Variants in MEIS1 observed in about 807,000 individuals in gnomAD.
The protein encoded by MEIS1 is homeobox protein Meis1.
MEIS1 carries 5 observed loss-of-function variants against 50.8 expected under a neutral mutation model. That is an observed-to-expected ratio of 0.10 (90% CI 0.05 to 0.21). The LOEUF (loss-of-function observed/expected upper bound fraction) is 0.21. Ranked by LOEUF, MEIS1 falls within the 10% of genes least tolerant of loss-of-function variation. The pLI, the probability that MEIS1 is intolerant of heterozygous loss-of-function variation, is 1.00. For synonymous variants in MEIS1, 176 were observed against 179.3 expected (o/e 0.98, Z 0.15); for missense variants, 318 against 517.3 (o/e 0.61, Z 3.74).
chr2:66,558,225 G>A (rs1211709732), intron 9 of MEIS1, among the ~76,000 whole-genome samples: 1 of 129,452 alleles, frequency 7.7e-6, no homozygotes, highest in East Asian at 2.3e-4. Context: ...GTTGCTGTGA[G>A]CCGAGATTGC....
Position 66,435,646 on chromosome 2 carries a change from G to A in MEIS1, c.-211G>A, listed in dbSNP as rs559706781. ...TGTCTTGGAAACGGAGCGCTTTTATGCTCAGTGACTCGGGCGCTTTGCTTC... is the reference window on the plus strand; with the variant it reads ...TGTCTTGGAAACGGAGCGCTTTTATACTCAGTGACTCGGGCGCTTTGCTTC... On this transcript the variant is annotated 5_prime_UTR_variant, in exon 1 of 13. An upstream start codon of the reference 5' UTR is lost. Coordinates refer to ENST00000272369, the MANE Select transcript of MEIS1 (RefSeq NM_002398.3). The A allele has an allele frequency of 5.4e-5, 23 of 426,876 alleles. No homozygotes were observed. The South Asian group carries it at 1.6e-3, about 30-fold the overall frequency. 26.4% of individuals were successfully genotyped at this position (426,876 alleles called of 1,614,324 possible). A position where few individuals can be genotyped will look rare whatever the true frequency, so the allele number is the denominator to read the frequency against.
chr2:66,561,837 C>CG (rs1558564980), intron 9 of MEIS1, among the ~76,000 whole-genome samples: 2 of 152,010 alleles, frequency 1.3e-5, no homozygotes, highest in African/African-American at 2.4e-5. Context: ...AGAAACACGA[C>CG]GGGGGGTGAA....
intron 7 of MEIS1, among the ~76,000 whole-genome samples, chr2:66,471,895 T>C (rs1238272131): frequency 6.6e-6 from 1 of 152,234 alleles, no homozygotes; most frequent in Non-Finnish European, 1.5e-5. Flanking sequence ...ATACATCACA[T>C]ATAGAGAAAT....
At chr2:66,439,315 CA>C in intron 2 of MEIS1, 1 of 1,142,296 alleles carries the variant, frequency 8.8e-7, no homozygotes, top group Non-Finnish European at 1.1e-6. Context: ...TCCCTAGGTG[CA>C]GCCCGTTGAC....
At position 66,572,540 on chromosome 2, in the gene MEIS1, G is replaced by A. The variant is rs1460001354; in HGVS notation, c.*1332G>A. ...ATACAAGATTTACTAAGTGGGATAAGCTAATTATACTTTTTGTTGTGGATA... is the reference window on the plus strand; with the variant it reads ...ATACAAGATTTACTAAGTGGGATAAACTAATTATACTTTTTGTTGTGGATA... On this transcript the variant is annotated 3_prime_UTR_variant, in exon 13 of 13. Transcript: ENST00000272369. 1 of 152,088 alleles carries A rather than the reference G, an allele frequency of 6.6e-6. No homozygotes were observed. Among genetic ancestry groups the A allele is most frequent in the African/African-American group, 2.4e-5 (1 of 41,406 alleles). The allele number at this position is 152,088 out of a possible 1,614,324, so 9.4% of individuals were successfully genotyped here.
At chr2:66,497,316 G>C (rs1344675106) in intron 7 of MEIS1, among the ~76,000 whole-genome samples, 1 of 152,080 alleles carries the variant, frequency 6.6e-6, no homozygotes, top group East Asian at 1.9e-4. Flanking sequence ...CCTTATCTGT[G>C]CATTAGGGAC....
chr2:66,479,162 A>G (rs1284955381), intron 7 of MEIS1, among the ~76,000 whole-genome samples: 4 of 152,234 alleles, frequency 2.6e-5, no homozygotes, highest in Non-Finnish European at 5.9e-5. Context: ...TGTCAGTAGC[A>G]ATTGCAGCTA....
intron 2 of MEIS1, among the ~76,000 whole-genome samples, 181 bp downstream of exon 2, chr2:66,438,144 A>G (rs754226340): frequency 1.4e-4 from 21 of 152,278 alleles, no homozygotes; most frequent in Admixed American, 2.6e-4. Context: ...CTACATCCCC[A>G]TACACACTCT....
At chr2:66,567,710 A>T (rs2103974001) in intron 10 of MEIS1, 199 bp downstream of exon 10, 1 of 673,188 alleles carries the variant, frequency 1.5e-6, no homozygotes, top group African/African-American at 1.8e-5. Context: ...AGGTGGAAAA[A>T]AAAAGCCAAC....
intron 8 of MEIS1, among the ~76,000 whole-genome samples, chr2:66,543,704 T>C (rs961701900): frequency 2.0e-5 from 3 of 152,238 alleles, no homozygotes; most frequent in African/African-American, 7.2e-5. Context: ...TAATTCTTAT[T>C]GTAAGATCTA....
In MEIS1 at chr2:66,545,749, C is replaced by A. The variant is rs114058716; in HGVS notation, c.889-2194C>A. Among the ~76,000 whole-genome samples the A allele has an allele frequency of 5.8e-3, 885 of 152,280 alleles. 9 individuals carry two copies. The highest frequency in any genetic ancestry group is 0.02 in the African/African-American group (839 of 41,554). ...GATTCCTTTGAGCTCAGTAGCCAGTCATGAGACTTTGGCTGCAATGGCTGG... is the reference window on the plus strand; with the variant it reads ...GATTCCTTTGAGCTCAGTAGCCAGTAATGAGACTTTGGCTGCAATGGCTGG... On this transcript the variant is annotated intron_variant, in intron 8 of 12. Transcript: ENST00000272369.
At chr2:66,501,674 A>G (rs1558541443) in intron 7 of MEIS1, among the ~76,000 whole-genome samples, 1 of 152,172 alleles carries the variant, frequency 6.6e-6, no homozygotes, top group Non-Finnish European at 1.5e-5. Flanking sequence ...AACTTGGAAA[A>G]TTTATCCAAT....
At chr2:66,531,828 C>T (rs1475754871) in intron 8 of MEIS1, among the ~76,000 whole-genome samples, 1 of 152,110 alleles carries the variant, frequency 6.6e-6, no homozygotes, top group Non-Finnish European at 1.5e-5. Flanking sequence ...TCATGAGCTG[C>T]CATCTTGAGC....
intron 11 of MEIS1, 40 bp from the exon 12 acceptor site, chr2:66,569,010 C>A: frequency 6.3e-7 from 1 of 1,581,286 alleles, no homozygotes; most frequent in Non-Finnish European, 8.7e-7. Flanking sequence ...TGACTTTGCT[C>A]ATTTTCTGGC....
In MEIS1 at chr2:66,543,291, A is replaced by G. The variant is rs548573925; in HGVS notation, c.889-4652A>G. Reference sequence around the variant, plus strand: ...GACGGGGTCATTAAGCAATCACTCTATACTGGTTCATTATTGGAAGTCACT... The same window carrying G: ...GACGGGGTCATTAAGCAATCACTCTGTACTGGTTCATTATTGGAAGTCACT... On this transcript the variant is annotated intron_variant, in intron 8 of 12. Transcript: ENST00000272369. Among the ~76,000 whole-genome samples the G allele has an allele frequency of 3.4e-4, 52 of 152,306 alleles. No individual in the cohort carries two copies. In the South Asian group the frequency reaches 9.5e-3, roughly 28 times the overall value.
At chr2:66,493,841 T>C (rs1673332019) in intron 7 of MEIS1, among the ~76,000 whole-genome samples, 1 of 152,162 alleles carries the variant, frequency 6.6e-6, no homozygotes, top group Non-Finnish European at 1.5e-5. Flanking sequence ...AAAATGATCA[T>C]TTGAATTGCT....
At chr2:66,526,095 C>T (rs543599481) in intron 8 of MEIS1, among the ~76,000 whole-genome samples, 19 of 152,286 alleles carry the variant, frequency 1.2e-4, no homozygotes, top group Admixed American at 3.9e-4. Context: ...TCTCAAATTT[C>T]GCAGCATCCT....
At chr2:66,488,776 G>A (rs1673202121) in intron 7 of MEIS1, among the ~76,000 whole-genome samples, 1 of 152,320 alleles carries the variant, frequency 6.6e-6, no homozygotes, top group Middle Eastern at 3.4e-3. Context: ...GAATATATCT[G>A]TCCCAGCACA....
chr2:66,446,678 T>C (rs1672156301), intron 6 of MEIS1, among the ~76,000 whole-genome samples: 1 of 152,222 alleles, frequency 6.6e-6, no homozygotes, highest in South Asian at 2.1e-4. Flanking sequence ...AATCCAGATT[T>C]GTCTCTGACG....
Sources: gnomAD v4.1 joint callset for allele counts (sites outside exome capture counted in the v4.1 genomes callset) on GRCh38, gnomAD v4.1.1 for gene constraint, MANE v1.5 for transcripts, NCBI Gene and HGNC (gene_info 2026-07-23, HGNC 2026-07-21) for gene names.